The following HEXB variants were observed in gnomAD, a reference collection of about 807,000 sequenced individuals.
The protein encoded by HEXB is hexosaminidase subunit beta.
A neutral mutation model predicts 71.2 loss-of-function variants in HEXB; 51 were observed. The ratio of observed to expected loss-of-function variants is 0.72; its 90% CI spans 0.57 to 0.90. The LOEUF is 0.90. Among genes scored for constraint, HEXB ranks in the 40% least tolerant of loss-of-function variants. The pLI, the probability that HEXB is intolerant of heterozygous loss-of-function variation, is 0.00. For synonymous variants in HEXB, 266 were observed against 249.3 expected (o/e 1.07, Z -0.63); for missense variants, 617 against 677.0 (o/e 0.91, Z 0.98).
At chr5:74,695,495 G>A (rs1749093133) in intron 3 of HEXB, among the ~76,000 whole-genome samples, 2 of 150,282 alleles carry the variant, frequency 1.3e-5, no homozygotes, top group South Asian at 2.1e-4. Flanking sequence ...GAGCCACTGC[G>A]CCCAGCCAAG....
chr5:74,698,499 C>T (rs1476870185), intron 5 of HEXB, among the ~76,000 whole-genome samples: 1 of 152,024 alleles, frequency 6.6e-6, no homozygotes, highest in African/African-American at 2.4e-5. Flanking sequence ...TCAAGCAATT[C>T]TCCTGCCTCG....
chr5:74,716,667 T>C lies in HEXB; in HGVS notation c.1163T>C (p.Ile388Thr), dbSNP rs374403696. The C allele has an allele frequency of 1.3e-6, 2 of 1,587,936 alleles. No individual in the cohort carries two copies. The highest frequency in any genetic ancestry group is 2.7e-5 in the African/African-American group (2 of 74,376). ...TDFKKLESFY[I>T]QKVLDIIATI... The stretch of plus-strand genomic sequence containing the variant: ...TTTAAGAAACTAGAATCTTTCTACA[T>C]TCAAAAGTAAGTTGTTTGAAAGCCT... Residue 388 changes from isoleucine (I) to threonine (T), a missense_variant, in exon 9 of 14, where the codon ATT becomes ACT. By Grantham distance (89) the Ile-to-Thr change is moderately conservative. Transcript: ENST00000261416.
chr5:74,678,180 C>T (rs1214843017), intron 1 of HEXB, among the ~76,000 whole-genome samples: 1 of 152,056 alleles, frequency 6.6e-6, no homozygotes, highest in Middle Eastern at 3.2e-3. Context: ...CACCTGTAAT[C>T]CCAGCTCCTT....
chr5:74,685,418 G>T lies in HEXB; in HGVS notation c.158G>T (p.Gly53Val), dbSNP rs992458272. The change falls in exon 1 of 14, where the codon GGG (glycine) becomes GTG (valine). Residue 53 changes from glycine (G) to valine (V), a missense_variant. Gly to Val is a moderately radical substitution (Grantham distance 109). Coordinates refer to ENST00000261416, the MANE Select transcript of HEXB (RefSeq NM_000521.4). ...GCCCCGAGCGTCTCGGCCAAGCCGG[G>T]GCCGGCGCTGTGGCCCCTGCCGCTC... The part of the protein sequence containing the change: ...ARAPSVSAKP[G>V]PALWPLPLLV... 5.0e-6 allele frequency: 8 copies of T among 1,601,032 alleles called. No individual in the cohort carries two copies. The highest frequency in any genetic ancestry group is 2.7e-5 in the African/African-American group (2 of 74,344).
chr5:74,706,897 A>G (rs1369102840), intron 6 of HEXB, among the ~76,000 whole-genome samples: 1 of 152,180 alleles, frequency 6.6e-6, no homozygotes, highest in Non-Finnish European at 1.5e-5. Context: ...GACAGCAGTA[A>G]CCTCTGCAGA....
Position 74,715,518 on chromosome 5 carries a change from G to T in HEXB, c.910G>T (p.Asp304Tyr). The T allele has an allele frequency of 6.2e-7, 1 of 1,608,052 alleles. No individual in the cohort carries two copies. Among genetic ancestry groups the T allele is most frequent in the South Asian group, 1.1e-5 (1 of 90,928 alleles). Residue 304 changes from aspartate (D) to tyrosine (Y), a missense_variant, in exon 8 of 14, where the codon GAC (aspartate) becomes TAC (tyrosine). Transcript: ENST00000261416. Reference protein sequence around the residue: ...HTLSWGKGQKDLLTPCYSRQN... With the variant: ...HTLSWGKGQKYLLTPCYSRQN... Reference sequence around the variant, plus strand: ...TTAATATTTTCTTCTAGGTCAGAAAGACCTCCTGACTCCATGTTACAGTAG... The same window carrying T: ...TTAATATTTTCTTCTAGGTCAGAAATACCTCCTGACTCCATGTTACAGTAG...
chr5:74,668,686 G>A (rs1748479839), intron 1 of HEXB, among the ~76,000 whole-genome samples: 1 of 152,222 alleles, frequency 6.6e-6, no homozygotes, highest in Admixed American at 6.5e-5. Context: ...GCTATAAGCA[G>A]TGGACACATC....
At chr5:74,677,487 C>CTTTT (rs1561210601) in intron 1 of HEXB, among the ~76,000 whole-genome samples, 1 of 129,968 alleles carries the variant, frequency 7.7e-6, no homozygotes, top group African/African-American at 2.9e-5. Flanking sequence ...TTTTCTTCTT[C>CTTTT]TTCTTTTTTT....
chr5:74,660,656 T>C (rs1320995084), intron 1 of HEXB, among the ~76,000 whole-genome samples: 2 of 152,260 alleles, frequency 1.3e-5, no homozygotes, highest in African/African-American at 2.4e-5. Flanking sequence ...TGGTTGTATC[T>C]GTTCTTCCTA....
chr5:74,678,883 G>T (rs1748684436), intron 1 of HEXB, among the ~76,000 whole-genome samples: 1 of 152,030 alleles, frequency 6.6e-6, no homozygotes, highest in Non-Finnish European at 1.5e-5. Context: ...GGGCAAAAAA[G>T]GTTCTTAGTA....
intron 3 of HEXB, 50 bp from the exon 4 acceptor site, chr5:74,696,643 T>C: frequency 2.1e-6 from 2 of 964,284 alleles, no homozygotes; most frequent in Non-Finnish European, 3.4e-6. Context: ...ACTTTTATCA[T>C]CTCAATTTGT....
intron 5 of HEXB, among the ~76,000 whole-genome samples, chr5:74,700,260 G>A (rs536325348): frequency 5.2e-4 from 79 of 151,344 alleles, no homozygotes; most frequent in Non-Finnish European, 8.8e-4. Context: ...TGCCCACCTC[G>A]GCCTCTCAGA....
rs191887630 is a variant in HEXB, at chr5:74,715,531, C to T, written c.923C>T (p.Pro308Leu). 8 of 1,611,366 alleles carry T rather than the reference C, an allele frequency of 5.0e-6. No homozygotes were observed. The Admixed American group carries it at 1.3e-4, about 27-fold the overall frequency. ...WGKGQKDLLT[P>L]CYSRQNKLDS... ...CTAGGTCAGAAAGACCTCCTGACTC[C>T]ATGTTACAGTAGACAAAACAAGTTG... The change falls in exon 8 of 14, where the codon CCA becomes CTA. Residue 308 changes from proline (P) to leucine (L), a missense_variant. Transcript: ENST00000261416.
At chr5:74,663,372 G>A (rs1696981) in intron 1 of HEXB, among the ~76,000 whole-genome samples, 2,417 of 152,158 alleles carry the variant, frequency 0.016, 21 homozygotes, top group Admixed American at 0.021. Context: ...TGTATTTTTA[G>A]TAGAGACAGG....
At chr5:74,688,175 T>C (rs1455975636) in intron 1 of HEXB, among the ~76,000 whole-genome samples, 4 of 152,110 alleles carry the variant, frequency 2.6e-5, no homozygotes, top group Non-Finnish European at 5.9e-5. Flanking sequence ...TTAATGCCTT[T>C]ACAGAATTTT....
intron 1 of HEXB, among the ~76,000 whole-genome samples, chr5:74,649,188 G>A (rs886654044): frequency 5.9e-5 from 9 of 152,162 alleles, no homozygotes; most frequent in African/African-American, 2.2e-4. Context: ...CAACAATGCC[G>A]TGAGCTCCTG....
chr5:74,680,214 AG>A (rs1490956974), intron 1 of HEXB, among the ~76,000 whole-genome samples: 1 of 152,246 alleles, frequency 6.6e-6, no homozygotes, highest in African/African-American at 2.4e-5. Context: ...CAAGAGCCAT[AG>A]GGAATTATTT....
chr5:74,680,887 G>A (rs556924560), upstream of HEXB, among the ~76,000 whole-genome samples: 1 of 152,308 alleles, frequency 6.6e-6, no homozygotes, highest in East Asian at 1.9e-4. Context: ...GTTTAGAAAG[G>A]TCCTCAGGGA....
rs190041498 is a variant in HEXB at position 74,667,574 on chromosome 5, G to A, written c.-376-21754G>A. ...TTAGTCAGTTTTCAAGTTCAGTCAG[G>A]AGACAGAGTCCACAGGGAAGTGGGA... On this transcript the variant is annotated intron_variant, in intron 1 of 13. Transcript: ENST00000511181. 2.0e-5 allele frequency among the ~76,000 whole-genome samples: 3 copies of A among 152,270 alleles called. No individual in the cohort carries two copies. In the East Asian group the frequency reaches 5.8e-4, roughly 29 times the overall value.
Sources: gnomAD v4.1 joint callset for allele counts (sites outside exome capture counted in the v4.1 genomes callset) on GRCh38, gnomAD v4.1.1 for gene constraint, MANE v1.5 for transcripts, NCBI Gene and HGNC (gene_info 2026-07-23, HGNC 2026-07-21) for gene names.